GRM5: variants seen among roughly 807,000 people sequenced by gnomAD.
GRM5 encodes the protein glutamate metabotropic receptor 5.
In GRM5, 19 loss-of-function variants were observed where a neutral mutation model predicts 83.1. That is an observed-to-expected ratio of 0.23 (90% confidence interval 0.16 to 0.34). The LOEUF is 0.34. GRM5 is among the 10% of genes least tolerant of loss of function. The pLI is 1.00. For synonymous variants in GRM5, 675 were observed against 633.6 expected (o/e 1.07, Z -0.98); for missense variants, 1,160 against 1,588.3 (o/e 0.73, Z 4.58).
chr11:88,612,234 T>A (rs1938340728), intron 4 of GRM5, among the ~76,000 whole-genome samples: 1 of 148,880 alleles, frequency 6.7e-6, no homozygotes, highest in Non-Finnish European at 1.5e-5. Flanking sequence ...TTTTTGTTCC[T>A]GCGATAGTTT....
intron 8 of GRM5, among the ~76,000 whole-genome samples, chr11:88,533,538 C>G (rs113715523): frequency 6.6e-6 from 1 of 152,046 alleles, no homozygotes; most frequent in Non-Finnish European, 1.5e-5. Flanking sequence ...TATTTATTCT[C>G]TGTTTTCCCC....
intron 2 of GRM5, among the ~76,000 whole-genome samples, chr11:89,027,103 C>A (rs1172800812): frequency 1.4e-5 from 2 of 146,128 alleles, no homozygotes; most frequent in African/African-American, 5.0e-5. Context: ...TTTTTCTTTT[C>A]TTTTTTTTTT....
intron 2 of GRM5, among the ~76,000 whole-genome samples, chr11:88,961,373 T>C (rs1938778027): frequency 1.3e-5 from 2 of 152,082 alleles, no homozygotes; most frequent in African/African-American, 4.8e-5. Context: ...TTTTTTTTTT[T>C]TTTGCTTGTT....
chr11:88,655,795 T>C (rs1939754262), intron 3 of GRM5, among the ~76,000 whole-genome samples: 1 of 151,986 alleles, frequency 6.6e-6, no homozygotes, highest in Non-Finnish European at 1.5e-5. Flanking sequence ...TTCAGATGTT[T>C]CCAATTAACA....
intron 2 of GRM5, among the ~76,000 whole-genome samples, chr11:88,869,256 A>C (rs1944722153): frequency 6.6e-6 from 1 of 151,658 alleles, no homozygotes; most frequent in Non-Finnish European, 1.5e-5. Flanking sequence ...AGGGTGAATC[A>C]CTTTTAGAAA....
intron 2 of GRM5, among the ~76,000 whole-genome samples, chr11:88,866,242 T>C (rs568164843): frequency 1.0e-3 from 152 of 152,204 alleles, no homozygotes; most frequent in African/African-American, 3.5e-3. Context: ...GATGAGTTCA[T>C]GTCCTTTGCA....
intron 4 of GRM5, among the ~76,000 whole-genome samples, chr11:88,605,974 G>C (rs533825065): frequency 6.8e-4 from 103 of 152,326 alleles, no homozygotes; most frequent in African/African-American, 2.2e-3. Context: ...AATGTGTTTT[G>C]ATAAGTACTG....
intron 1 of GRM5, among the ~76,000 whole-genome samples, chr11:89,050,421 T>C (rs1219334820): frequency 2.6e-5 from 4 of 152,222 alleles, no homozygotes; most frequent in Non-Finnish European, 4.4e-5. Flanking sequence ...AAGCTCCCTA[T>C]ACTTGTGGGC....
chr11:88,935,091 T>A (rs1408358915), intron 2 of GRM5, among the ~76,000 whole-genome samples: 1 of 151,942 alleles, frequency 6.6e-6, no homozygotes, highest in African/African-American at 2.4e-5. Context: ...AATGTCCCCA[T>A]ACCATGGGAG....
At chr11:88,645,890 A>G (rs1398163840) in intron 4 of GRM5, among the ~76,000 whole-genome samples, 1 of 152,106 alleles carries the variant, frequency 6.6e-6, no homozygotes, top group African/African-American at 2.4e-5. Flanking sequence ...ATGCGGATGG[A>G]AGAGGTGGGG....
chr11:88,541,090 T>C (rs905616229), intron 8 of GRM5, among the ~76,000 whole-genome samples: 3 of 152,090 alleles, frequency 2.0e-5, no homozygotes, highest in African/African-American at 7.2e-5. Context: ...ATAAAGGTAA[T>C]TATATTTCTC....
chr11:88,626,317 G>C (rs931033938), intron 4 of GRM5, among the ~76,000 whole-genome samples: 2 of 152,122 alleles, frequency 1.3e-5, no homozygotes, highest in African/African-American at 4.8e-5. Context: ...GATGTAAAAC[G>C]TGACAATTAA....
intron 3 of GRM5, among the ~76,000 whole-genome samples, chr11:88,692,623 C>T (rs1940807745): frequency 1.3e-5 from 2 of 152,128 alleles, no homozygotes; most frequent in African/African-American, 4.8e-5. Context: ...TTCATTGCTT[C>T]AGAAAAACTG....
chr11:88,723,196 T>G (rs1941588054), intron 3 of GRM5, among the ~76,000 whole-genome samples: 1 of 152,130 alleles, frequency 6.6e-6, no homozygotes, highest in Non-Finnish European at 1.5e-5. Context: ...TCCATGATTT[T>G]TCATAGCTTG....
At chr11:89,001,224 A>T (rs930416292) in intron 2 of GRM5, among the ~76,000 whole-genome samples, 1 of 152,084 alleles carries the variant, frequency 6.6e-6, no homozygotes, top group Non-Finnish European at 1.5e-5. Context: ...CTGGGCATTT[A>T]TCCTAGAGAA....
At chr11:88,827,256 T>G (rs1943908573) in intron 3 of GRM5, among the ~76,000 whole-genome samples, 1 of 152,194 alleles carries the variant, frequency 6.6e-6, no homozygotes, top group African/African-American at 2.4e-5. Flanking sequence ...CCTCACCTAC[T>G]GACCTCATCT....
At chr11:88,966,186 G>A (rs1206698528) in intron 2 of GRM5, among the ~76,000 whole-genome samples, 1 of 151,968 alleles carries the variant, frequency 6.6e-6, no homozygotes, top group Non-Finnish European at 1.5e-5. Context: ...ATATTGAACT[G>A]AATGAAAATG....
chr11:88,733,166 C>T (rs139545961), intron 3 of GRM5, among the ~76,000 whole-genome samples: 187 of 152,012 alleles, frequency 1.2e-3, no homozygotes, highest in Non-Finnish European at 2.1e-3. Context: ...GCATTATTCT[C>T]GTCACTAGAT....
chr11:88,985,728 G>A (rs945504242), intron 2 of GRM5, among the ~76,000 whole-genome samples: 1 of 152,098 alleles, frequency 6.6e-6, no homozygotes, highest in African/African-American at 2.4e-5. Flanking sequence ...CAACACTAAA[G>A]CATTTTTTGT....
Sources: allele counts gnomAD v4.1 joint callset (sites outside exome capture counted in the v4.1 genomes callset), GRCh38; gene constraint gnomAD v4.1.1; transcripts MANE v1.5; gene names NCBI Gene and HGNC (gene_info 2026-07-23, HGNC 2026-07-21).